GALNT17: variants seen among roughly 807,000 people sequenced by gnomAD.
GALNT17 encodes polypeptide N-acetylgalactosaminyltransferase 17.
In GALNT17, 29 loss-of-function variants were observed where a neutral mutation model predicts 63.7. The observed-to-expected ratio is 0.46, with a 90% confidence interval of 0.34 to 0.62. The LOEUF is 0.62. Ranked by LOEUF, GALNT17 falls within the 20% of genes least tolerant of loss-of-function variation. The probability of loss-of-function intolerance (pLI) is 0.01; values close to 1 mark genes in which losing one functional copy is unlikely to be tolerated. For missense variants in GALNT17, 603 were observed against 799.6 expected, an observed-to-expected ratio of 0.75 and a Z score of 2.97; for synonymous variants, 305 against 318.3, an observed-to-expected ratio of 0.96 and a Z score of 0.45.
intron 6 of GALNT17, among the ~76,000 whole-genome samples, chr7:71,581,810 T>C (rs548759696): frequency 2.0e-5 from 3 of 152,112 alleles, no homozygotes; most frequent in Non-Finnish European, 4.4e-5. Context: ...GGAGTAGCAG[T>C]TCTCTCTAAC....
chr7:71,369,811 CAAAAAAAA>C (rs763387719), intron 2 of GALNT17, among the ~76,000 whole-genome samples: 9 of 72,156 alleles, frequency 1.2e-4, no homozygotes, highest in African/African-American at 3.0e-4. Context: ...GGCTTTTTGT[CAAAAAAAA>C]AAAAAAAAAA....
chr7:71,535,044 A>G (rs1380073539), intron 5 of GALNT17, among the ~76,000 whole-genome samples: 8 of 152,196 alleles, frequency 5.3e-5, no homozygotes, highest in Non-Finnish European at 1.2e-4. Context: ...CCAAAGTAGT[A>G]GGAGCCAACA....
At chr7:71,567,102 G>A (rs1442102016) in intron 5 of GALNT17, among the ~76,000 whole-genome samples, 1 of 152,142 alleles carries the variant, frequency 6.6e-6, no homozygotes, top group East Asian at 1.9e-4. Context: ...ATTTGTCCTG[G>A]CTTGGGATCA....
At chr7:71,632,797 A>G (rs763750524) in intron 6 of GALNT17, among the ~76,000 whole-genome samples, 16 of 152,034 alleles carry the variant, frequency 1.1e-4, no homozygotes, top group Non-Finnish European at 1.9e-4. Flanking sequence ...TTTATTAAAC[A>G]TTGCATCAAA....
At chr7:71,599,979 T>A (rs1005108688) in intron 6 of GALNT17, among the ~76,000 whole-genome samples, 1 of 151,866 alleles carries the variant, frequency 6.6e-6, no homozygotes, top group African/African-American at 2.4e-5. Context: ...AGCCAAGTTT[T>A]AACAACCAAA....
At chr7:71,656,863 C>A (rs1274342137) in intron 6 of GALNT17, among the ~76,000 whole-genome samples, 1 of 152,126 alleles carries the variant, frequency 6.6e-6, no homozygotes, top group Non-Finnish European at 1.5e-5. Context: ...GGAGAGAGAA[C>A]ACACTGTCTT....
intron 5 of GALNT17, among the ~76,000 whole-genome samples, chr7:71,457,333 T>G (rs190047339): frequency 6.6e-6 from 1 of 152,222 alleles, no homozygotes; most frequent in Non-Finnish European, 1.5e-5. Context: ...GTTCCCAGCG[T>G]GACTTTTCCC....
chr7:71,273,189 AT>A (rs1790623736), intron 1 of GALNT17, among the ~76,000 whole-genome samples: 1 of 152,178 alleles, frequency 6.6e-6, no homozygotes, highest in African/African-American at 2.4e-5. Flanking sequence ...TTAATATAAA[AT>A]TCTCTTTGGG....
At chr7:71,690,062 G>A (rs1436260902) in intron 9 of GALNT17, among the ~76,000 whole-genome samples, 1 of 140,266 alleles carries the variant, frequency 7.1e-6, no homozygotes, top group East Asian at 2.1e-4. Context: ...GTCTCACTCT[G>A]TCACCAGGCT....
chr7:71,217,365 T>C (rs1369750401), intron 1 of GALNT17, among the ~76,000 whole-genome samples: 1 of 152,062 alleles, frequency 6.6e-6, no homozygotes, highest in East Asian at 1.9e-4. Flanking sequence ...ATTAACCCAC[T>C]TTTGTATTTT....
intron 1 of GALNT17, among the ~76,000 whole-genome samples, chr7:71,249,060 A>G (rs565440351): frequency 4.6e-5 from 7 of 152,356 alleles, no homozygotes; most frequent in African/African-American, 1.4e-4. Flanking sequence ...TAATGTTTGT[A>G]TAATAAAGCA....
At chr7:71,425,901 C>T (rs1428060814) in intron 5 of GALNT17, among the ~76,000 whole-genome samples, 2 of 152,094 alleles carry the variant, frequency 1.3e-5, no homozygotes, top group South Asian at 2.1e-4. Context: ...GAGGCTTCTG[C>T]GTCTGGGGAG....
intron 1 of GALNT17, among the ~76,000 whole-genome samples, chr7:71,172,661 G>A (rs1788566786): frequency 6.6e-6 from 1 of 152,014 alleles, no homozygotes; most frequent in Non-Finnish European, 1.5e-5. Flanking sequence ...GAGCTACCAG[G>A]GCAAGAGTTT....
intron 3 of GALNT17, among the ~76,000 whole-genome samples, chr7:71,404,940 G>T (rs1202507937): frequency 6.6e-6 from 1 of 152,198 alleles, no homozygotes; most frequent in Non-Finnish European, 1.5e-5. Context: ...TCCACTCATG[G>T]TTACAGCCCT....
chr7:71,635,206 C>CAA lies in GALNT17; in HGVS notation c.1081-30189_1081-30188dup, dbSNP rs35340202. On this transcript the variant is annotated intron_variant, in intron 6 of 10. Coordinates refer to ENST00000333538, the MANE Select transcript of GALNT17 (RefSeq NM_022479.3). ...TGGGTGACAGAGTGAGACTCCGTCT[C>CAA]AAAAAAAAAAAAAAAAAGAGGAATG... Among the ~76,000 whole-genome samples the CAA allele has an allele frequency of 4.7e-3, 584 of 124,064 alleles. 10 individuals are homozygous for CAA. The highest frequency in any genetic ancestry group is 0.01 in the African/African-American group (330 of 32,770). 81.4% of individuals were successfully genotyped at this position (124,064 alleles called of 152,430 possible). A position where few individuals can be genotyped will look rare whatever the true frequency, so the allele number is the denominator to read the frequency against.
chr7:71,476,356 A>G (rs1298632691), intron 5 of GALNT17, among the ~76,000 whole-genome samples: 1 of 152,260 alleles, frequency 6.6e-6, no homozygotes, highest in Non-Finnish European at 1.5e-5. Context: ...TGCAAACAGC[A>G]TAAAGGACAA....
rs141002174 is a variant in GALNT17, at chr7:71,136,556, G to T, written c.238+3516G>T. 5.2e-3 allele frequency among the ~76,000 whole-genome samples: 788 copies of T among 152,006 alleles called. 10 individuals are homozygous for T. Among genetic ancestry groups the T allele is most frequent in the African/African-American group, 0.018 (751 of 41,474 alleles). On this transcript the variant is annotated intron_variant, in intron 1 of 10. Coordinates refer to ENST00000333538, the MANE Select transcript of GALNT17 (RefSeq NM_022479.3). Reference sequence around the variant, plus strand: ...GCTGGAGTGCAGTGGTGCGATCTCCGCTCGCTGCAGTCTCCGCTTCCTGGG... The same window carrying T: ...GCTGGAGTGCAGTGGTGCGATCTCCTCTCGCTGCAGTCTCCGCTTCCTGGG...
At chr7:71,175,001 T>A (rs1425815571) in intron 1 of GALNT17, among the ~76,000 whole-genome samples, 3 of 152,258 alleles carry the variant, frequency 2.0e-5, no homozygotes, top group Admixed American at 2.0e-4. Context: ...ACCATATTGA[T>A]ATCAATGAGC....
intron 5 of GALNT17, among the ~76,000 whole-genome samples, chr7:71,491,549 G>GA (rs1231128902): frequency 6.6e-6 from 1 of 152,196 alleles, no homozygotes; most frequent in Non-Finnish European, 1.5e-5. Context: ...GCAGTGGAGA[G>GA]AGGCAGGGTT....
Sources: gnomAD v4.1 joint callset for allele counts (sites outside exome capture counted in the v4.1 genomes callset) on GRCh38, gnomAD v4.1.1 for gene constraint, MANE v1.5 for transcripts, NCBI Gene and HGNC (gene_info 2026-07-23, HGNC 2026-07-21) for gene names.